NRG1: variants seen among roughly 807,000 people sequenced by gnomAD.
NRG1 encodes the protein pro-neuregulin-1, membrane-bound isoform.
In NRG1, 18 loss-of-function variants were observed where a neutral mutation model predicts 63.8. The observed-to-expected ratio is 0.28, with a 90% CI of 0.19 to 0.42. NRG1 has a LOEUF of 0.42. Among genes scored for constraint, NRG1 ranks in the 10% least tolerant of loss-of-function variants. NRG1 has a pLI of 1.00. For synonymous variants in NRG1, 302 were observed against 301.3 expected, an observed-to-expected ratio of 1.00 and a Z score of -0.02; for missense variants, 762 against 814.7, an observed-to-expected ratio of 0.94 and a Z score of 0.79.
intron 1 of NRG1, among the ~76,000 whole-genome samples, chr8:32,383,059 TAAAA>T (rs56030067): frequency 7.9e-6 from 1 of 126,484 alleles, no homozygotes; most frequent in Admixed American, 8.0e-5. Flanking sequence ...TCGTCCCTAC[TAAAA>T]AAAAAAAAAA....
At chr8:31,934,375 C>G (rs1031566106) in intron 1 of NRG1, among the ~76,000 whole-genome samples, 5 of 142,312 alleles carry the variant, frequency 3.5e-5, no homozygotes, top group Non-Finnish European at 7.6e-5. Flanking sequence ...ATATATATAT[C>G]TTTCTCCCCC....
At chr8:31,863,718 C>T (rs1474084360) in intron 1 of NRG1, among the ~76,000 whole-genome samples, 2 of 152,190 alleles carry the variant, frequency 1.3e-5, no homozygotes, top group African/African-American at 2.4e-5. Flanking sequence ...CCTTTCCCTT[C>T]TTTATCCAAT....
At chr8:32,219,244 A>C (rs912848683) in intron 1 of NRG1, among the ~76,000 whole-genome samples, 21 of 152,222 alleles carry the variant, frequency 1.4e-4, no homozygotes, top group African/African-American at 4.6e-4. Context: ...GTTAGAAAAT[A>C]TTACTTATGT....
At chr8:32,066,016 C>T (rs2130963509) in intron 1 of NRG1, among the ~76,000 whole-genome samples, 1 of 152,320 alleles carries the variant, frequency 6.6e-6, no homozygotes, top group Non-Finnish European at 1.5e-5. Flanking sequence ...ATCCTTTGCC[C>T]ACTTTTTGAT....
intron 5 of NRG1, among the ~76,000 whole-genome samples, chr8:32,672,580 A>G (rs1226082452): frequency 6.6e-6 from 1 of 152,208 alleles, no homozygotes; most frequent in Non-Finnish European, 1.5e-5. Context: ...ATGTTATGAT[A>G]TTCTGTAGAA....
intron 1 of NRG1, among the ~76,000 whole-genome samples, chr8:32,348,114 G>A (rs558093911): frequency 3.3e-5 from 5 of 152,278 alleles, no homozygotes; most frequent in Non-Finnish European, 5.9e-5. Flanking sequence ...TACTCTAGGG[G>A]TTTATTGAGT....
intron 1 of NRG1, among the ~76,000 whole-genome samples, chr8:32,014,664 C>T (rs1008162630): frequency 6.6e-5 from 10 of 151,320 alleles, no homozygotes; most frequent in East Asian, 4.0e-4. Context: ...TCCAATTTGT[C>T]GTCTCACTCT....
intron 1 of NRG1, among the ~76,000 whole-genome samples, chr8:32,452,294 T>C (rs1431989468): frequency 6.6e-6 from 1 of 152,134 alleles, no homozygotes; most frequent in Non-Finnish European, 1.5e-5. Flanking sequence ...GTGCTACAGT[T>C]GTGATGTGAA....
At chr8:31,947,030 G>A (rs1802654070) in intron 1 of NRG1, among the ~76,000 whole-genome samples, 1 of 152,184 alleles carries the variant, frequency 6.6e-6, no homozygotes, top group South Asian at 2.1e-4. Flanking sequence ...GCCGGGCGCG[G>A]TGGCTCACGC....
At chr8:32,707,167 G>A (rs1816640347) in intron 5 of NRG1, among the ~76,000 whole-genome samples, 1 of 151,878 alleles carries the variant, frequency 6.6e-6, no homozygotes, top group Admixed American at 6.6e-5. Flanking sequence ...AGAGTAATTT[G>A]TAACAAATTA....
chr8:32,451,585 A>G (rs754462815), intron 1 of NRG1, among the ~76,000 whole-genome samples: 5 of 152,170 alleles, frequency 3.3e-5, no homozygotes, highest in Admixed American at 2.6e-4. Flanking sequence ...AAATCAGGAA[A>G]TTCAAGGACA....
intron 1 of NRG1, among the ~76,000 whole-genome samples, chr8:32,387,634 C>G (rs1410909073): frequency 6.6e-6 from 1 of 152,010 alleles, no homozygotes; most frequent in African/African-American, 2.4e-5. Context: ...AACAGTGCTC[C>G]TACTGATTCT....
At position 32,085,537 on chromosome 8, in the gene NRG1, T is replaced by C. The variant is rs532000570; in HGVS notation, c.37+446106T>C. Among the ~76,000 whole-genome samples the C allele has an allele frequency of 1.1e-4, 16 of 152,346 alleles. No individual in the cohort carries two copies. The South Asian group carries it at 3.3e-3, about 32-fold the overall frequency. ...GAAGAATAAAGATCATAATTCTTTC[T>C]TTTACATTGTGATTTCTATAAGAAT... On this transcript the variant is annotated intron_variant, in intron 1 of 10. Transcript: ENST00000519301.
chr8:31,812,086 C>A (rs1822942207), intron 1 of NRG1, among the ~76,000 whole-genome samples: 1 of 152,142 alleles, frequency 6.6e-6, no homozygotes, highest in Admixed American at 6.5e-5. Flanking sequence ...AAATTTCAGG[C>A]TCTATAATGG....
At chr8:32,582,165 T>C (rs1305291551) in intron 1 of NRG1, among the ~76,000 whole-genome samples, 2 of 151,996 alleles carry the variant, frequency 1.3e-5, no homozygotes, top group African/African-American at 4.8e-5. Flanking sequence ...TGGCATGGTT[T>C]CAGTTCACTG....
rs574944445 is a variant in NRG1 at position 31,672,507 on chromosome 8, G to A, written c.37+33076G>A. ...GGATTTCTGAGGTTCTTGAACAAGA[G>A]CTGTTCCTGCTAGCTCATGTTTTAG... On this transcript the variant is annotated intron_variant, in intron 1 of 10. Coordinates refer to the NRG1 transcript ENST00000519301. Among the ~76,000 whole-genome samples the A allele has an allele frequency of 5.3e-5, 8 of 152,222 alleles. No individual in the cohort carries two copies. The East Asian group carries it at 1.3e-3, about 26-fold the overall frequency.
At chr8:31,690,051 C>T (rs1054298884) in intron 1 of NRG1, among the ~76,000 whole-genome samples, 1 of 152,124 alleles carries the variant, frequency 6.6e-6, no homozygotes, top group African/African-American at 2.4e-5. Context: ...GGGGGTTTTA[C>T]CTCCATGCTT....
At chr8:31,837,288 T>G (rs1204415405) in intron 1 of NRG1, among the ~76,000 whole-genome samples, 2 of 152,010 alleles carry the variant, frequency 1.3e-5, no homozygotes, top group Non-Finnish European at 2.9e-5. Flanking sequence ...CTTTTATAGC[T>G]TCTGGTTTTT....
At position 32,130,991 on chromosome 8, in the gene NRG1, A is replaced by G. The variant is rs548265579; in HGVS notation, c.38-464837A>G. 4.6e-5 allele frequency among the ~76,000 whole-genome samples: 7 copies of G among 152,124 alleles called. No homozygotes were observed. In the East Asian group the frequency reaches 9.7e-4, roughly 21 times the overall value. On this transcript the variant is annotated intron_variant, in intron 1 of 10. Coordinates refer to the NRG1 transcript ENST00000519301. ...AACTATCTTGGGCACACATGTATGT[A>G]GAAGCATACCACCATATGGCAAAAG...
Sources: gnomAD v4.1 joint callset for allele counts (sites outside exome capture counted in the v4.1 genomes callset) on GRCh38, gnomAD v4.1.1 for gene constraint, MANE v1.5 for transcripts, NCBI Gene and HGNC (gene_info 2026-07-23, HGNC 2026-07-21) for gene names.